Variants in PM20D1 observed in about 807,000 individuals in gnomAD.
PM20D1 encodes the protein N-fatty-acyl-amino acid synthase/hydrolase PM20D1.
Under a neutral mutation model 53.8 loss-of-function variants are expected in PM20D1, and 53 were observed. That is an observed-to-expected ratio of 0.98 (90% CI 0.79 to 1.24). The LOEUF (loss-of-function observed/expected upper bound fraction) is 1.24, where lower values mean the gene tolerates loss of function less well. Among genes scored for constraint, PM20D1 ranks in the 50% most tolerant of loss-of-function variants. The probability of loss-of-function intolerance (pLI) is 0.00; values close to 1 mark genes in which losing one functional copy is unlikely to be tolerated. For synonymous variants in PM20D1, 239 were observed against 241.3 expected (o/e 0.99, Z 0.09); for missense variants, 564 against 616.8 (o/e 0.91, Z 0.91).
At chr1:205,837,624 AC>A in intron 10 of PM20D1, among the ~76,000 whole-genome samples, 1 of 152,284 alleles carries the variant, frequency 6.6e-6, no homozygotes. Context: ...GAGAGGAGTA[AC>A]CAGGACAAAT....
chr1:205,843,842 C>A, intron 5 of PM20D1, 56 bp from the exon 6 acceptor site: 1 of 1,586,036 alleles, frequency 6.3e-7, no homozygotes, highest in South Asian at 1.2e-5. Context: ...TGAATTCTCC[C>A]ATAGGCCCAT....
chr1:205,848,460 C>T (rs936127132), intron 1 of PM20D1, among the ~76,000 whole-genome samples: 3 of 152,154 alleles, frequency 2.0e-5, no homozygotes, highest in African/African-American at 7.2e-5. Context: ...CAGAGTCTCA[C>T]TAGTCTGTCA....
chr1:205,840,462 C>A, intron 9 of PM20D1, 139 bp from the exon 10 acceptor site: 1 of 666,946 alleles, frequency 1.5e-6, no homozygotes, highest in Non-Finnish European at 2.6e-6. Flanking sequence ...CTTTTCTAGT[C>A]TGCCTCTTGT....
intron 6 of PM20D1, among the ~76,000 whole-genome samples, 199 bp downstream of exon 6, chr1:205,843,468 C>T (rs1656863960): frequency 6.6e-6 from 1 of 152,180 alleles, no homozygotes; most frequent in South Asian, 2.1e-4. Flanking sequence ...TCTTTATTTA[C>T]ACCTGTTGTA....
In PM20D1 at chr1:205,849,935, C is replaced by G. The variant is rs1212655968; in HGVS notation, c.138G>C (p.Glu46Asp). 9.3e-6 allele frequency: 15 copies of G among 1,613,566 alleles called. No homozygotes were observed. The East Asian group carries it at 3.3e-4, about 36-fold the overall frequency. Residue 46 changes from glutamate (E) to aspartate (D), a missense_variant, in exon 1 of 13, where the codon GAG becomes GAC. Physicochemically the swap from Glu to Asp is conservative, Grantham distance 45. Coordinates refer to ENST00000367136, the MANE Select transcript of PM20D1 (RefSeq NM_152491.5). ...GCGCCTCTTTCATCGCGACGCGTTC[C>G]TCTTTGCTGAACTGAGAAGGGATTC... is the stretch of plus-strand genomic sequence containing the variant. ...ASRIPSQFSK[E>D]ERVAMKEALK... is the part of the protein sequence containing the mutation.
chr1:205,834,889 C>T (rs1437240265), intron 10 of PM20D1, among the ~76,000 whole-genome samples: 2 of 152,142 alleles, frequency 1.3e-5, no homozygotes, highest in African/African-American at 2.4e-5. Context: ...AGGGCAGGGA[C>T]TGTGTCTATC....
chr1:205,832,871 GT>G, intron 10 of PM20D1, 105 bp from the exon 11 acceptor site: 1 of 1,307,466 alleles, frequency 7.6e-7, no homozygotes, highest in Non-Finnish European at 1.0e-6. Context: ...GAGCCTCAGG[GT>G]TTACAGACAG....
At chr1:205,846,821 A>AAGAAGAAG (rs1656998342) in intron 2 of PM20D1, among the ~76,000 whole-genome samples, 1 of 152,016 alleles carries the variant, frequency 6.6e-6, no homozygotes, top group Non-Finnish European at 1.5e-5. Flanking sequence ...GGATACCCGA[A>AAGAAGAAG]AACCGAAGAA....
In PM20D1 at chr1:205,842,282, T is replaced by A. The variant is rs535843140; in HGVS notation, c.904-67A>T. 83 of 1,431,618 alleles carry A rather than the reference T, an allele frequency of 5.8e-5. No individual in the cohort carries two copies. The African/African-American group carries it at 9.0e-4, about 15-fold the overall frequency. 88.7% of individuals were successfully genotyped at this position (1,431,618 alleles called of 1,614,324 possible). ...TTAGCCTGGGTCTCTGAGACCTGAG[T>A]CTCTCTCTACTTTAGAGCTGCCTCA... On this transcript the variant is annotated intron_variant, in intron 7 of 12. Transcript: ENST00000367136.
chr1:205,830,331 G>A lies in PM20D1; in HGVS notation c.1334C>T (p.Thr445Ile), dbSNP rs747936939. 7 of 1,613,138 alleles carry A rather than the reference G, an allele frequency of 4.3e-6. No individual in the cohort carries two copies. In the African/African-American group the frequency reaches 6.7e-5, roughly 15 times the overall value. ...TDSRFFTNLT[T>I]GIYRFYPIYI... ...GATGGGGTAGAACCTGTAGATGCCAGTGGTGAGGTTTGTAAAGAATCGGCT... is the reference window on the plus strand; with the variant it reads ...GATGGGGTAGAACCTGTAGATGCCAATGGTGAGGTTTGTAAAGAATCGGCT... The change falls in exon 12 of 13, where the codon ACT becomes ATT. Residue 445 changes from threonine to isoleucine, a missense_variant. Thr to Ile is a moderately conservative substitution (Grantham distance 89). Coordinates refer to ENST00000367136, the MANE Select transcript of PM20D1 (RefSeq NM_152491.5).
At chr1:205,849,581 T>C (rs185879899) in intron 1 of PM20D1, among the ~76,000 whole-genome samples, 2 of 152,258 alleles carry the variant, frequency 1.3e-5, no homozygotes. Context: ...AAGGTTAAAA[T>C]TGATGTACAA....
At chr1:205,837,763 G>A (rs969559570) in intron 10 of PM20D1, among the ~76,000 whole-genome samples, 2 of 152,150 alleles carry the variant, frequency 1.3e-5, no homozygotes, top group Non-Finnish European at 2.9e-5. Flanking sequence ...CAAGGGAGTA[G>A]AGAGGAGGGA....
At chr1:205,843,071 A>C (rs1571677304) in intron 6 of PM20D1, among the ~76,000 whole-genome samples, 2 of 151,536 alleles carry the variant, frequency 1.3e-5, no homozygotes, top group Non-Finnish European at 2.9e-5. Flanking sequence ...TGAATATAGC[A>C]CTCCTTCCCA....
intron 10 of PM20D1, among the ~76,000 whole-genome samples, chr1:205,836,913 A>G (rs1208328006): frequency 1.3e-5 from 2 of 152,174 alleles, no homozygotes; most frequent in East Asian, 1.9e-4. Context: ...GGGCATCTGT[A>G]CTGCTTCCCA....
At chr1:205,848,714 C>A (rs1657059803) in intron 1 of PM20D1, among the ~76,000 whole-genome samples, 1 of 152,168 alleles carries the variant, frequency 6.6e-6, no homozygotes. Flanking sequence ...GACTGCTCTC[C>A]AAGAACACAG....
intron 10 of PM20D1, among the ~76,000 whole-genome samples, chr1:205,835,697 G>A (rs1656671733): frequency 6.7e-6 from 1 of 148,720 alleles, no homozygotes; most frequent in South Asian, 2.1e-4. Context: ...GCGTAGGGCA[G>A]TGCCTGGCAC....
At chr1:205,841,202 G>C (rs1048824971) in intron 9 of PM20D1, among the ~76,000 whole-genome samples, 32 of 152,204 alleles carry the variant, frequency 2.1e-4, no homozygotes, top group Non-Finnish European at 4.3e-4. Context: ...GGAGAAAAGA[G>C]TTAGGCTATG....
intron 9 of PM20D1, 85 bp from the exon 10 acceptor site, chr1:205,840,408 C>G: frequency 7.7e-7 from 1 of 1,306,374 alleles, no homozygotes; most frequent in Non-Finnish European, 1.1e-6. Flanking sequence ...ATTTCCTCAG[C>G]TCAGGCAGAG....
Position 205,844,156 on chromosome 1 carries a change from GC to G in PM20D1, c.637del (p.Ala213ProfsTer24), listed in dbSNP as rs1314775144. 1 of 1,613,906 alleles carries G rather than the reference GC, an allele frequency of 6.2e-7. No individual in the cohort carries two copies. Among genetic ancestry groups the G allele is most frequent in the East Asian group, 2.2e-5 (1 of 44,884 alleles). On this transcript the variant is annotated frameshift_variant, in exon 5 of 13. Transcript: ENST00000367136. LOFTEE classifies it high-confidence loss of function. ...GAAGCCCCCCTCGTCCACAATGAAG[GC>G]TAGCTGGACGCCCCTTGACTGTAGC... The part of the protein sequence containing the change: ...ALLQSRGVQL[A>X]FIVDEGGFIL...
Sources: allele counts gnomAD v4.1 joint callset (sites outside exome capture counted in the v4.1 genomes callset), GRCh38; gene constraint gnomAD v4.1.1; transcripts MANE v1.5; gene names NCBI Gene and HGNC (gene_info 2026-07-23, HGNC 2026-07-21).